Variants in PDE4D observed in about 807,000 individuals in gnomAD.
PDE4D encodes the protein phosphodiesterase 4D, also known as 3',5'-cyclic-AMP phosphodiesterase 4D.
In PDE4D, 24 loss-of-function variants were observed where a neutral mutation model predicts 87.4. That is an observed-to-expected ratio of 0.27 (90% CI 0.20 to 0.39). The LOEUF (loss-of-function observed/expected upper bound fraction) is 0.39. Ranked by LOEUF, PDE4D falls within the 10% of genes least tolerant of loss-of-function variation. PDE4D has a pLI of 1.00. For synonymous variants in PDE4D, 384 were observed against 383.2 expected (o/e 1.00, Z -0.02); for missense variants, 714 against 1,041.0 (o/e 0.69, Z 4.32).
chr5:59,931,762 T>G (rs533891305), intron 3 of PDE4D, among the ~76,000 whole-genome samples: 1 of 144,402 alleles, frequency 6.9e-6, no homozygotes, highest in African/African-American at 2.5e-5. Flanking sequence ...AGTGCAGTGG[T>G]GCAATCTCAG....
chr5:59,494,965 C>T (rs1806897704), intron 1 of PDE4D, among the ~76,000 whole-genome samples: 1 of 152,068 alleles, frequency 6.6e-6, no homozygotes, highest in Non-Finnish European at 1.5e-5. Flanking sequence ...TATTCAAATC[C>T]CCTTCAAGTT....
At chr5:59,310,612 C>T (rs888986641) in intron 1 of PDE4D, among the ~76,000 whole-genome samples, 1 of 152,166 alleles carries the variant, frequency 6.6e-6, no homozygotes, top group Non-Finnish European at 1.5e-5. Flanking sequence ...CCTGACAGTT[C>T]TTCCTCTACA....
chr5:59,648,626 G>A (rs963678098), intron 1 of PDE4D, among the ~76,000 whole-genome samples: 1 of 151,858 alleles, frequency 6.6e-6, no homozygotes, highest in Non-Finnish European at 1.5e-5. Context: ...AAGTCTGCTG[G>A]TCAAGTTACC....
intron 1 of PDE4D, among the ~76,000 whole-genome samples, chr5:59,422,781 T>C (rs1431439012): frequency 1.3e-5 from 2 of 152,180 alleles, no homozygotes; most frequent in East Asian, 3.9e-4. Flanking sequence ...GGCTGCATGG[T>C]TGGGTGATGG....
chr5:60,061,483 T>C (rs1771397339), intron 2 of PDE4D, among the ~76,000 whole-genome samples: 1 of 151,998 alleles, frequency 6.6e-6, no homozygotes, highest in Non-Finnish European at 1.5e-5. Flanking sequence ...GAAGAATCAA[T>C]ATCATGAAAA....
chr5:59,631,469 A>G (rs1364020388), intron 1 of PDE4D, among the ~76,000 whole-genome samples: 1 of 152,218 alleles, frequency 6.6e-6, no homozygotes, highest in Non-Finnish European at 1.5e-5. Flanking sequence ...ATGGCCAAAT[A>G]GAAACAGCTC....
At chr5:59,715,668 C>T (rs1429750128) in intron 1 of PDE4D, among the ~76,000 whole-genome samples, 4 of 152,244 alleles carry the variant, frequency 2.6e-5, no homozygotes, top group Admixed American at 2.6e-4. Flanking sequence ...GCCACTGGCC[C>T]ATGTGGGGCT....
At chr5:59,949,731 G>T (rs1581872093) in intron 3 of PDE4D, among the ~76,000 whole-genome samples, 1 of 152,130 alleles carries the variant, frequency 6.6e-6, no homozygotes, top group East Asian at 1.9e-4. Context: ...TTATATTTGA[G>T]ATTACATGCA....
intron 2 of PDE4D, among the ~76,000 whole-genome samples, chr5:59,213,154 CCTT>C (rs1235677690): frequency 2.0e-5 from 3 of 146,482 alleles, no homozygotes; most frequent in African/African-American, 7.9e-5. Context: ...TCCTTCTCCT[CCTT>C]CTTCTTTTTT....
At chr5:59,397,133 A>G (rs1425054499) in intron 1 of PDE4D, among the ~76,000 whole-genome samples, 1 of 122,918 alleles carries the variant, frequency 8.1e-6, no homozygotes, top group Non-Finnish European at 1.7e-5. Context: ...TAATAATGGG[A>G]GACTTTAACA....
At chr5:59,975,893 G>A (rs950455473) in intron 3 of PDE4D, among the ~76,000 whole-genome samples, 7 of 152,154 alleles carry the variant, frequency 4.6e-5, no homozygotes, top group Non-Finnish European at 8.8e-5. Context: ...TTCCTCACAA[G>A]CCAAAGTGAG....
At chr5:59,954,546 T>C (rs759167647) in intron 3 of PDE4D, among the ~76,000 whole-genome samples, 1 of 152,150 alleles carries the variant, frequency 6.6e-6, no homozygotes, top group African/African-American at 2.4e-5. Context: ...TGGCCGTTAT[T>C]ATTAGAGATG....
intron 1 of PDE4D, among the ~76,000 whole-genome samples, chr5:60,261,667 T>A (rs1749658656): frequency 1.3e-5 from 2 of 152,114 alleles, no homozygotes; most frequent in Non-Finnish European, 2.9e-5. Context: ...CTAAAGATAA[T>A]GCCCAAGGTT....
chr5:59,508,730 A>G (rs1341181551), intron 1 of PDE4D, among the ~76,000 whole-genome samples: 1 of 152,072 alleles, frequency 6.6e-6, no homozygotes, highest in Non-Finnish European at 1.5e-5. Flanking sequence ...AATAAAAATC[A>G]ACACACATAT....
At chr5:59,230,631 A>G (rs953960847) in intron 1 of PDE4D, among the ~76,000 whole-genome samples, 2 of 152,238 alleles carry the variant, frequency 1.3e-5, no homozygotes, top group African/African-American at 2.4e-5. Context: ...ATTGCCTTTA[A>G]AATATAACCG....
At chr5:59,724,341 T>C (rs1756283761) in intron 1 of PDE4D, among the ~76,000 whole-genome samples, 1 of 152,094 alleles carries the variant, frequency 6.6e-6, no homozygotes, top group African/African-American at 2.4e-5. Flanking sequence ...AAAGATAATT[T>C]TTATCTTATT....
chr5:59,159,649 A>T (rs868331168), intron 5 of PDE4D, among the ~76,000 whole-genome samples: 6 of 152,232 alleles, frequency 3.9e-5, no homozygotes, highest in South Asian at 2.1e-4. Flanking sequence ...AAGAACCCAG[A>T]AAAGTCAAGT....
chr5:60,340,705 T>G lies in PDE4D; in HGVS notation c.-90+147237A>C, dbSNP rs1440837673. On this transcript the variant is annotated intron_variant, in intron 1 of 16. Transcript: ENST00000502484. Reference sequence around the variant, plus strand: ...ATAAAGTGGCTATTTAAGTGGAGTTTTATTAATATTCCAGCAAAAGAGATA... The same window carrying G: ...ATAAAGTGGCTATTTAAGTGGAGTTGTATTAATATTCCAGCAAAAGAGATA... Among the ~76,000 whole-genome samples, 3 of 151,912 alleles carry G rather than the reference T, an allele frequency of 2.0e-5. No homozygotes were observed. In the South Asian group the frequency reaches 6.2e-4, roughly 32 times the overall value.
intron 1 of PDE4D, among the ~76,000 whole-genome samples, chr5:60,359,362 C>A (rs565115245): frequency 6.6e-6 from 1 of 152,088 alleles, no homozygotes; most frequent in Non-Finnish European, 1.5e-5. Flanking sequence ...GAGCTGGGAT[C>A]GCACCACTGC....
Sources: allele counts gnomAD v4.1 joint callset (sites outside exome capture counted in the v4.1 genomes callset), GRCh38; gene constraint gnomAD v4.1.1; transcripts MANE v1.5; gene names NCBI Gene and HGNC (gene_info 2026-07-23, HGNC 2026-07-21).